Variants in GPATCH2 observed in about 807,000 individuals in gnomAD.
GPATCH2 encodes the protein G-patch domain containing 2.
Under a neutral mutation model 58.0 loss-of-function variants are expected in GPATCH2, and 51 were observed. The ratio of observed to expected loss-of-function variants is 0.88; its 90% CI spans 0.70 to 1.11. The LOEUF is 1.11. Ranked by LOEUF, GPATCH2 falls within the 50% of genes most tolerant of loss-of-function variation. GPATCH2 has a pLI of 0.00. For missense variants in GPATCH2, 625 were observed against 652.2 expected (o/e 0.96, Z 0.45); for synonymous variants, 222 against 218.5 (o/e 1.02, Z -0.14).
At chr1:217,500,000 CTTT>C (rs1308346244) in intron 6 of GPATCH2, among the ~76,000 whole-genome samples, 1 of 151,964 alleles carries the variant, frequency 6.6e-6, no homozygotes, top group Non-Finnish European at 1.5e-5. Context: ...AGACTTAGCT[CTTT>C]TTTAACTCCC....
intron 6 of GPATCH2, among the ~76,000 whole-genome samples, chr1:217,506,248 C>A (rs932482440): frequency 6.6e-5 from 10 of 152,052 alleles, no homozygotes; most frequent in African/African-American, 2.4e-4. Context: ...TGGATTATCA[C>A]TAAATATATG....
chr1:217,605,067 A>G (rs996958778), intron 5 of GPATCH2, among the ~76,000 whole-genome samples: 8 of 152,154 alleles, frequency 5.3e-5, no homozygotes, highest in African/African-American at 1.9e-4. Flanking sequence ...CTTCTGCTGT[A>G]AAAGGCTATA....
At position 217,610,986 on chromosome 1, in the gene GPATCH2, C is replaced by G. The variant is rs1558524199; in HGVS notation, c.921G>C (p.Lys307Asn). 6.2e-7 allele frequency: 1 copy of G among 1,613,324 alleles called. No homozygotes were observed. The part of the protein sequence containing the change: ...GITGVVPWWE[K>N]EDPTELDKNV... Reference sequence around the variant, plus strand: ...TTTTGTCTAGCTCAGTAGGATCTTCCTTTTCCCACCAGGGCACAACTCCAG... The same window carrying G: ...TTTTGTCTAGCTCAGTAGGATCTTCGTTTTCCCACCAGGGCACAACTCCAG... Residue 307 changes from lysine to asparagine, a missense_variant, in exon 4 of 10, where the codon AAG becomes AAC. Transcript: ENST00000366935.
At chr1:217,575,670 T>C (rs1003534810) in intron 5 of GPATCH2, among the ~76,000 whole-genome samples, 1 of 152,140 alleles carries the variant, frequency 6.6e-6, no homozygotes, top group African/African-American at 2.4e-5. Flanking sequence ...ATACAATCTC[T>C]GTACTTGGAG....
chr1:217,478,634 T>C (rs1485822998), intron 8 of GPATCH2, among the ~76,000 whole-genome samples: 1 of 151,690 alleles, frequency 6.6e-6, no homozygotes, highest in African/African-American at 2.4e-5. Context: ...CTACAGGACC[T>C]AGCCTCAAAA....
intron 5 of GPATCH2, among the ~76,000 whole-genome samples, chr1:217,533,022 C>T (rs917086460): frequency 4.6e-5 from 7 of 151,306 alleles, no homozygotes; most frequent in South Asian, 2.1e-4. Context: ...CCTCAGCCTC[C>T]GGAGTAGCTG....
At chr1:217,450,580 C>T (rs1021208732) in intron 8 of GPATCH2, among the ~76,000 whole-genome samples, 5 of 152,046 alleles carry the variant, frequency 3.3e-5, no homozygotes, top group Admixed American at 6.5e-5. Context: ...CATATCTTAA[C>T]AGTAAATGAG....
chr1:217,504,942 C>T (rs1290105669), intron 6 of GPATCH2, among the ~76,000 whole-genome samples: 1 of 152,076 alleles, frequency 6.6e-6, no homozygotes, highest in Non-Finnish European at 1.5e-5. Context: ...CAAGTTTATG[C>T]AAAGGCAGAG....
chr1:217,434,862 A>G (rs1167188271), intron 9 of GPATCH2, among the ~76,000 whole-genome samples: 1 of 152,094 alleles, frequency 6.6e-6, no homozygotes, highest in African/African-American at 2.4e-5. Context: ...ACTCATTCTC[A>G]TTTTTTTAAA....
At chr1:217,542,783 C>A (rs1252191365) in intron 5 of GPATCH2, among the ~76,000 whole-genome samples, 3 of 152,158 alleles carry the variant, frequency 2.0e-5, no homozygotes, top group African/African-American at 7.2e-5. Context: ...TAAACTGAAA[C>A]CTTTGCCTAG....
intron 8 of GPATCH2, among the ~76,000 whole-genome samples, chr1:217,458,029 T>C (rs951527386): frequency 1.3e-5 from 2 of 152,050 alleles, no homozygotes; most frequent in African/African-American, 4.8e-5. Context: ...AGATAGAGAA[T>C]ATCCTGGCTA....
Position 217,449,297 on chromosome 1 carries a change from T to A in GPATCH2, c.1318A>T (p.Ile440Phe). The A allele has an allele frequency of 6.2e-7, 1 of 1,610,356 alleles. No homozygotes were observed. The highest frequency in any genetic ancestry group is 2.2e-5 in the East Asian group (1 of 44,852). ...MHLGSLCTGDIKRRRKAAPLP... is the reference protein window; with the variant it reads ...MHLGSLCTGDFKRRRKAAPLP... ...GGTGCAGCTTTTCTTCTCCGTTTGA[T>A]ATCTCCCGTGCATAAGGATCCTAAA... is the stretch of plus-strand genomic sequence containing the variant. Residue 440 changes from isoleucine (I) to phenylalanine (F), a missense_variant, in exon 9 of 10, where the codon ATC becomes TTC. By Grantham distance (21) the Ile-to-Phe change is conservative (BLOSUM62 0). Transcript: ENST00000366935.
chr1:217,496,418 G>T (rs2102543144), intron 7 of GPATCH2, among the ~76,000 whole-genome samples: 1 of 152,254 alleles, frequency 6.6e-6, no homozygotes, highest in South Asian at 2.1e-4. Flanking sequence ...ATTTCTTGCA[G>T]TCTGTTTAAT....
intron 5 of GPATCH2, among the ~76,000 whole-genome samples, chr1:217,547,349 C>A (rs200899910): frequency 7.6e-5 from 11 of 144,386 alleles, no homozygotes; most frequent in African/African-American, 7.9e-5. Context: ...GGTGACAGCG[C>A]AAAAAAAAAA....
chr1:217,518,164 C>T (rs1663266150), intron 5 of GPATCH2, among the ~76,000 whole-genome samples: 1 of 152,136 alleles, frequency 6.6e-6, no homozygotes, highest in African/African-American at 2.4e-5. Flanking sequence ...TTGATGCTTT[C>T]TAGATAACAT....
intron 2 of GPATCH2, among the ~76,000 whole-genome samples, chr1:217,617,862 C>CA (rs1172687639): frequency 6.6e-6 from 1 of 151,878 alleles, no homozygotes; most frequent in Non-Finnish European, 1.5e-5. Flanking sequence ...AGTAGATACT[C>CA]AAATACTTTT....
intron 5 of GPATCH2, among the ~76,000 whole-genome samples, chr1:217,605,343 T>C (rs1052572222): frequency 6.6e-6 from 1 of 152,202 alleles, no homozygotes; most frequent in Non-Finnish European, 1.5e-5. Flanking sequence ...ATAAATTGGA[T>C]TAAGAGCTAA....
chr1:217,574,041 T>G (rs1666693303), intron 5 of GPATCH2, among the ~76,000 whole-genome samples: 1 of 152,198 alleles, frequency 6.6e-6, no homozygotes, highest in Non-Finnish European at 1.5e-5. Context: ...AAAAGCAACG[T>G]GCAGTCTTAA....
chr1:217,613,972 AC>A (rs1231425176), intron 3 of GPATCH2, among the ~76,000 whole-genome samples, 168 bp downstream of exon 3: 1 of 152,112 alleles, frequency 6.6e-6, no homozygotes, highest in East Asian at 1.9e-4. Flanking sequence ...AAGACAGGAC[AC>A]CCTCCATAGC....
Sources: allele counts gnomAD v4.1 joint callset (sites outside exome capture counted in the v4.1 genomes callset), GRCh38; gene constraint gnomAD v4.1.1; transcripts MANE v1.5; gene names NCBI Gene and HGNC (gene_info 2026-07-23, HGNC 2026-07-21).